The following ACAD11 variants were observed in gnomAD, a reference collection of about 807,000 sequenced individuals.
The protein encoded by ACAD11 is acyl-CoA dehydrogenase family member 11.
ACAD11 carries 83 observed loss-of-function variants against 102.2 expected under a neutral mutation model. The ratio of observed to expected loss-of-function variants is 0.81; its 90% CI spans 0.68 to 0.97. The LOEUF (loss-of-function observed/expected upper bound fraction) is 0.97. Ranked by LOEUF, ACAD11 falls within the 50% of genes least tolerant of loss-of-function variation. ACAD11 has a pLI of 0.00. For missense variants in ACAD11, 901 were observed against 951.7 expected (o/e 0.95, Z 0.70); for synonymous variants, 324 against 319.8 (o/e 1.01, Z -0.14).
intron 13 of ACAD11, among the ~76,000 whole-genome samples, chr3:132,582,443 A>G (rs1937617201): frequency 6.6e-6 from 1 of 152,030 alleles, no homozygotes; most frequent in East Asian, 1.9e-4. Flanking sequence ...CTAACTGGGT[A>G]ATAATGACTT....
intron 9 of ACAD11, chr3:132,620,444 C>T (rs188716016): frequency 6.6e-6 from 1 of 152,256 alleles, no homozygotes; most frequent in Non-Finnish European, 1.5e-5. Context: ...AAATAACTTT[C>T]ACAGATAAAA....
At chr3:132,593,362 T>A (rs927136618) in intron 13 of ACAD11, among the ~76,000 whole-genome samples, 3 of 152,098 alleles carry the variant, frequency 2.0e-5, no homozygotes, top group Admixed American at 6.6e-5. Flanking sequence ...TAAAAGAGAT[T>A]TTTAAAATTG....
intron 11 of ACAD11, among the ~76,000 whole-genome samples, chr3:132,607,282 T>C (rs1223064855): frequency 2.6e-5 from 4 of 152,106 alleles, no homozygotes; most frequent in African/African-American, 7.2e-5. Flanking sequence ...GTTTGACGAA[T>C]TGACAGAAGT....
At chr3:132,563,170 G>T (rs1051312755) in intron 17 of ACAD11, among the ~76,000 whole-genome samples, 1 of 152,088 alleles carries the variant, frequency 6.6e-6, no homozygotes, top group Admixed American at 6.6e-5. Context: ...TCTCTCTTCT[G>T]CTCCAAAGAT....
chr3:132,621,113 C>T (rs1034124138), intron 9 of ACAD11: 2 of 151,990 alleles, frequency 1.3e-5, no homozygotes, highest in Non-Finnish European at 2.9e-5. Context: ...AAGAGAGAGG[C>T]AATATTTGGA....
chr3:132,634,057 A>G lies in ACAD11; in HGVS notation c.703-2578T>C, dbSNP rs1099299. The stretch of plus-strand genomic sequence containing the variant: ...GCAACAAAAGCCAAAATTGACAAAT[A>G]GGATCTAATTAAACTAAAGAGCTTC... On this transcript the variant is annotated intron_variant, in intron 5 of 19. Transcript: ENST00000264990. 1.6e-3 allele frequency among the ~76,000 whole-genome samples: 246 copies of G among 152,116 alleles called. 2 individuals are homozygous for G. Among genetic ancestry groups the G allele is most frequent in the African/African-American group, 5.0e-3 (209 of 41,496 alleles).
At chr3:132,591,807 C>T (rs10804610) in intron 13 of ACAD11, among the ~76,000 whole-genome samples, 37,237 of 152,004 alleles carry the variant, frequency 0.24, 7,599 homozygotes, top group African/African-American at 0.54. Context: ...GGCAGGACTG[C>T]TTGAGCCCCG....
chr3:132,629,294 G>A (rs939491166), intron 7 of ACAD11, among the ~76,000 whole-genome samples: 1 of 152,108 alleles, frequency 6.6e-6, no homozygotes, highest in Non-Finnish European at 1.5e-5. Flanking sequence ...GAGTAGCTGG[G>A]ACTACAGGCC....
At chr3:132,617,821 C>T (rs188460644) in intron 11 of ACAD11, among the ~76,000 whole-genome samples, 6 of 152,288 alleles carry the variant, frequency 3.9e-5, no homozygotes, top group Admixed American at 3.3e-4. Flanking sequence ...ATTTTCCTGG[C>T]CACACTGGCC....
At chr3:132,654,151 G>A (rs895673765) in intron 1 of ACAD11, among the ~76,000 whole-genome samples, 6 of 152,092 alleles carry the variant, frequency 3.9e-5, no homozygotes, top group African/African-American at 9.6e-5. Flanking sequence ...AATAATCTTC[G>A]TCTCTTCCTT....
At chr3:132,566,106 C>A (rs1937201255) in intron 17 of ACAD11, among the ~76,000 whole-genome samples, 1 of 151,774 alleles carries the variant, frequency 6.6e-6, no homozygotes, top group African/African-American at 2.4e-5. Flanking sequence ...TAGAAAGCCT[C>A]AGCAAAGAAA....
intron 17 of ACAD11, among the ~76,000 whole-genome samples, chr3:132,566,152 TA>T (rs530366243): frequency 2.2e-4 from 33 of 151,732 alleles, no homozygotes; most frequent in Non-Finnish European, 4.0e-4. Flanking sequence ...GGGTATTTTA[TA>T]AGTAAAAAAT....
chr3:132,632,089 T>C (rs1264084784), intron 5 of ACAD11, among the ~76,000 whole-genome samples: 2 of 150,106 alleles, frequency 1.3e-5, no homozygotes, highest in African/African-American at 2.4e-5. Flanking sequence ...TATATGTATT[T>C]TTTTTTTTTT....
intron 13 of ACAD11, chr3:132,600,846 T>C (rs138269944): frequency 6.2e-7 from 1 of 1,613,338 alleles, no homozygotes; most frequent in African/African-American, 1.3e-5. Flanking sequence ...CAATCAGGAG[T>C]GGGAAAACCA....
Position 132,630,500 on chromosome 3 carries a change from A to G in ACAD11, c.900T>C (p.Ser300=). The change falls in exon 7 of 20, where the codon TCT becomes TCC. Residue 300 remains serine (S), a synonymous_variant. Transcript: ENST00000264990. ...GAAAGAAATTCCAGTTAGGAAGAAT[A>G]GAATTAATTCCCCTGCAGCGGCAAT... ...SIYCRCRGIN[S]ILPNWNFFLA... is the part of the protein sequence containing the mutation. 1.2e-6 allele frequency: 2 copies of G among 1,613,218 alleles called. No individual in the cohort carries two copies. Among genetic ancestry groups the G allele is most frequent in the Non-Finnish European group, 1.7e-6 (2 of 1,179,426 alleles).
Position 132,646,386 on chromosome 3 carries a change from A to C in ACAD11, c.150-1490T>G, listed in dbSNP as rs1016327547. 3.9e-5 allele frequency: 6 copies of C among 152,244 alleles called. No homozygotes were observed. The South Asian group carries it at 6.2e-4, about 16-fold the overall frequency. 9.4% of individuals were successfully genotyped at this position (152,244 alleles called of 1,614,324 possible). A position where few individuals can be genotyped will look rare whatever the true frequency, so the allele number is the denominator to read the frequency against. On this transcript the variant is annotated intron_variant, in intron 1 of 19. Coordinates refer to ENST00000264990, the MANE Select transcript of ACAD11 (RefSeq NM_032169.5). Reference sequence around the variant, plus strand: ...AGTGCTGGGATTACAGGCGTGAGCCATCACGTCTGGCAACAATGAATCTTA... The same window carrying C: ...AGTGCTGGGATTACAGGCGTGAGCCCTCACGTCTGGCAACAATGAATCTTA...
intron 5 of ACAD11, among the ~76,000 whole-genome samples, chr3:132,635,438 G>A (rs967420118): frequency 1.1e-4 from 17 of 152,142 alleles, no homozygotes; most frequent in African/African-American, 3.9e-4. Flanking sequence ...GTGTGTGCTT[G>A]CACTCCCTTG....
intron 1 of ACAD11, among the ~76,000 whole-genome samples, chr3:132,652,071 G>A (rs896715491): frequency 6.6e-6 from 1 of 152,140 alleles, no homozygotes; most frequent in Non-Finnish European, 1.5e-5. Flanking sequence ...TGGTTTGGCT[G>A]TGTCCCCACC....
At chr3:132,571,712 ATGATCCAG>A (rs1467881481) in intron 17 of ACAD11, among the ~76,000 whole-genome samples, 1 of 152,190 alleles carries the variant, frequency 6.6e-6, no homozygotes, top group Non-Finnish European at 1.5e-5. Context: ...CTTATCCACC[ATGATCCAG>A]TAGGCTATAT....
Sources: gnomAD v4.1 joint callset for allele counts (sites outside exome capture counted in the v4.1 genomes callset) on GRCh38, gnomAD v4.1.1 for gene constraint, MANE v1.5 for transcripts, NCBI Gene and HGNC (gene_info 2026-07-23, HGNC 2026-07-21) for gene names.